The following CCDC3 variants were observed in gnomAD, a reference collection of about 807,000 sequenced individuals.
CCDC3 encodes coiled-coil domain-containing protein 3.
In CCDC3, 24 loss-of-function variants were observed where a neutral mutation model predicts 21.4. The ratio of observed to expected loss-of-function variants is 1.12; its 90% CI spans 0.81 to 1.58. The LOEUF is 1.58. CCDC3 is among the 40% of genes most tolerant of loss of function. CCDC3 has a pLI of 0.00. For missense variants in CCDC3, 425 were observed against 360.9 expected, an observed-to-expected ratio of 1.18 and a Z score of -1.44; for synonymous variants, 186 against 166.0, an observed-to-expected ratio of 1.12 and a Z score of -0.93.
chr10:12,917,471 C>A (rs976927143), intron 2 of CCDC3, among the ~76,000 whole-genome samples: 3 of 152,130 alleles, frequency 2.0e-5, no homozygotes, highest in Admixed American at 2.0e-4. Flanking sequence ...GCTGGGATTA[C>A]AGGCGTGAGC....
At chr10:13,031,699 A>C (rs761322923) in intron 5 of CCDC3, among the ~76,000 whole-genome samples, 13 of 152,238 alleles carry the variant, frequency 8.5e-5, no homozygotes, top group Non-Finnish European at 1.9e-4. Context: ...ACCATCAGAG[A>C]ATACTATAAA....
chr10:12,994,424 AACACCCAG>A (rs1835728682), intron 2 of CCDC3, among the ~76,000 whole-genome samples: 1 of 151,612 alleles, frequency 6.6e-6, no homozygotes, highest in African/African-American at 2.4e-5. Flanking sequence ...AAAAAAAAAA[AACACCCAG>A]CACCCAGCAC....
At chr10:12,927,419 C>A (rs1834560839) in intron 2 of CCDC3, among the ~76,000 whole-genome samples, 1 of 152,182 alleles carries the variant, frequency 6.6e-6, no homozygotes, top group Non-Finnish European at 1.5e-5. Context: ...GTACAACTGC[C>A]TCACAGATTT....
At position 13,001,592 on chromosome 10, in the gene CCDC3, C is replaced by CGGG. The variant is rs1835856475; in HGVS notation, c.-25_-23dup. On this transcript the variant is annotated 5_prime_UTR_variant, in exon 1 of 3. Coordinates refer to ENST00000378825, the MANE Select transcript of CCDC3 (RefSeq NM_031455.4). ...GCATGCCGGGCCCTCCCGGGGCGCA[C>CGGG]GGGGCGGCGGCGGGGAGCCCGGGGA... The CGGG allele has an allele frequency of 8.6e-7, 1 of 1,168,560 alleles. No individual in the cohort carries two copies. Among genetic ancestry groups the CGGG allele is most frequent in the African/African-American group, 1.6e-5 (1 of 61,708 alleles). The allele number at this position is 1,168,560 out of a possible 1,614,324, so 72.4% of individuals were successfully genotyped here.
intron 2 of CCDC3, among the ~76,000 whole-genome samples, chr10:12,983,354 C>G (rs1433191426): frequency 6.6e-6 from 1 of 151,174 alleles, no homozygotes; most frequent in Non-Finnish European, 1.5e-5. Context: ...GGGCAGATCA[C>G]TTCAGGTCAG....
upstream of CCDC3, chr10:13,099,898 A>G (rs1260921459): frequency 2.0e-5 from 3 of 151,992 alleles, no homozygotes; most frequent in Admixed American, 2.0e-4. Flanking sequence ...CGTCACAGTG[A>G]CGCCTTAGAG....
At chr10:12,961,327 C>T (rs1835175763) in intron 2 of CCDC3, among the ~76,000 whole-genome samples, 1 of 152,200 alleles carries the variant, frequency 6.6e-6, no homozygotes, top group South Asian at 2.1e-4. Context: ...ACTAAATCCA[C>T]TCTTGCCAAA....
At chr10:13,054,393 G>A (rs1040067282) in intron 4 of CCDC3, among the ~76,000 whole-genome samples, 1 of 152,046 alleles carries the variant, frequency 6.6e-6, no homozygotes, top group African/African-American at 2.4e-5. Context: ...GCTTTTCAAA[G>A]TGGATTGCTT....
intron 2 of CCDC3, among the ~76,000 whole-genome samples, chr10:12,982,943 C>T (rs933260629): frequency 6.3e-4 from 93 of 148,484 alleles, no homozygotes; most frequent in Admixed American, 3.7e-3. Flanking sequence ...TGAAACCCAT[C>T]TCCACTAAAA....
chr10:12,898,362 C>G lies in CCDC3; in HGVS notation c.*54G>C. 1.3e-6 allele frequency: 2 copies of G among 1,509,064 alleles called. No homozygotes were observed. Among genetic ancestry groups the G allele is most frequent in the Middle Eastern group, 4.8e-4 (2 of 4,144 alleles). The allele number at this position is 1,509,064 out of a possible 1,614,324, so 93.5% of individuals were successfully genotyped here. On this transcript the variant is annotated 3_prime_UTR_variant, in exon 3 of 3. Transcript: ENST00000378825. ...ATAGCTGCATGTACGAAACCTCACT[C>G]ATTCTCAATTACCGTCAGGATTGGC...
intron 4 of CCDC3, among the ~76,000 whole-genome samples, chr10:13,063,181 T>C (rs1273167035): frequency 6.6e-6 from 1 of 152,108 alleles, no homozygotes; most frequent in African/African-American, 2.4e-5. Flanking sequence ...AAAACCCTGG[T>C]CTCCCACACA....
chr10:12,919,756 TGGGGGGTGGGC>T, intron 2 of CCDC3, among the ~76,000 whole-genome samples: 1 of 140,188 alleles, frequency 7.1e-6, no homozygotes, highest in African/African-American at 2.6e-5. Context: ...CCGGGGTGGG[TGGGGGGTGGGC>T]GTTAGCCCGA....
At chr10:12,960,566 G>C (rs1015368990) in intron 2 of CCDC3, among the ~76,000 whole-genome samples, 1 of 152,164 alleles carries the variant, frequency 6.6e-6, no homozygotes, top group Non-Finnish European at 1.5e-5. Context: ...GATGCTGGAC[G>C]TGCCTCCAGT....
intron 2 of CCDC3, among the ~76,000 whole-genome samples, chr10:12,960,178 C>CACACACACAT (rs1293220665): frequency 6.6e-6 from 1 of 151,606 alleles, no homozygotes; most frequent in Non-Finnish European, 1.5e-5. Context: ...AACACACACA[C>CACACACACAT]ACACACACAC....
intron 2 of CCDC3, among the ~76,000 whole-genome samples, chr10:12,915,154 A>G (rs993918409): frequency 6.6e-6 from 1 of 152,176 alleles, no homozygotes; most frequent in Admixed American, 6.5e-5. Flanking sequence ...AAATCCTTAT[A>G]ACAGGAAGAA....
intron 5 of CCDC3, among the ~76,000 whole-genome samples, chr10:13,022,797 T>A (rs530057097): frequency 3.8e-4 from 58 of 152,280 alleles, no homozygotes; most frequent in African/African-American, 1.4e-3. Flanking sequence ...TAGCAGATAA[T>A]AAATTCAAGT....
intron 3 of CCDC3, among the ~76,000 whole-genome samples, chr10:13,091,820 CAAAAA>C (rs5783305): frequency 3.1e-5 from 4 of 127,314 alleles, no homozygotes; most frequent in Non-Finnish European, 3.3e-5. Flanking sequence ...AAGCCCAATC[CAAAAA>C]AAAAAAAAAA....
intron 2 of CCDC3, among the ~76,000 whole-genome samples, chr10:12,961,055 C>T (rs1019401666): frequency 1.7e-4 from 26 of 152,172 alleles, no homozygotes; most frequent in African/African-American, 5.1e-4. Flanking sequence ...CCTTTCCCTT[C>T]GCAACCTGGA....
chr10:12,898,710 A>C (rs373286611), intron 2 of CCDC3, 31 bp from the exon 3 acceptor site: 58 of 1,609,290 alleles, frequency 3.6e-5, no homozygotes, highest in Non-Finnish European at 4.3e-5. Flanking sequence ...CAAGGAGAGG[A>C]GGTGAGTCCC....
Sources: allele counts gnomAD v4.1 joint callset (sites outside exome capture counted in the v4.1 genomes callset), GRCh38; gene constraint gnomAD v4.1.1; transcripts MANE v1.5; gene names NCBI Gene and HGNC (gene_info 2026-07-23, HGNC 2026-07-21).